The following ASCC1 variants were observed in gnomAD, a reference collection of about 807,000 sequenced individuals.
ASCC1 encodes ASC-1 complex subunit P50.
In ASCC1, 35 loss-of-function variants were observed where a neutral mutation model predicts 46.6. The observed-to-expected ratio is 0.75, with a 90% CI of 0.57 to 0.99. The LOEUF (loss-of-function observed/expected upper bound fraction) is 0.99. Ranked by LOEUF, ASCC1 falls within the 50% of genes least tolerant of loss-of-function variation. The probability of loss-of-function intolerance (pLI) is 0.00; values close to 1 mark genes in which losing one functional copy is unlikely to be tolerated. For synonymous variants in ASCC1, 143 were observed against 146.6 expected (o/e 0.98, Z 0.18); for missense variants, 376 against 428.7 (o/e 0.88, Z 1.09).
intron 9 of ASCC1, among the ~76,000 whole-genome samples, chr10:72,114,556 C>T (rs1843285090): frequency 6.9e-6 from 1 of 145,356 alleles, no homozygotes; most frequent in African/African-American, 2.6e-5. Flanking sequence ...ACCCGGGAGG[C>T]GGAGCATGCA....
intron 5 of ASCC1, among the ~76,000 whole-genome samples, chr10:72,179,282 T>C (rs1225435098): frequency 3.9e-5 from 6 of 152,162 alleles, no homozygotes; most frequent in African/African-American, 1.4e-4. Context: ...ATTACAGGTG[T>C]GAGCCACTGC....
At chr10:72,208,270 T>C (rs1182133754) in intron 3 of ASCC1, among the ~76,000 whole-genome samples, 4 of 151,884 alleles carry the variant, frequency 2.6e-5, no homozygotes, top group Admixed American at 6.6e-5. Context: ...AAGGAACTTT[T>C]ACACACCTTA....
intron 9 of ASCC1, among the ~76,000 whole-genome samples, chr10:72,126,797 C>G (rs1011382958): frequency 1.3e-5 from 2 of 152,164 alleles, no homozygotes; most frequent in African/African-American, 4.8e-5. Context: ...CTGGAAAAAA[C>G]AGTAAAGTTA....
rs1857936150 is a variant in ASCC1 at position 72,210,610 on chromosome 10, A to G, written c.212+122T>C. ...CAGTCCTTTGACATTTCAGGACATA[A>G]CACTACACTATTTTATCATTAGTAA... On this transcript the variant is annotated intron_variant, in intron 3 of 9. Transcript: ENST00000672957. The G allele has an allele frequency of 1.7e-5, 13 of 771,806 alleles. No homozygotes were observed. The Admixed American group carries it at 2.6e-4, about 16-fold the overall frequency. 47.8% of individuals were successfully genotyped at this position (771,806 alleles called of 1,614,324 possible).
At chr10:72,102,314 C>A in intron 9 of ASCC1, 1 of 1,545,392 alleles carries the variant, frequency 6.5e-7, no homozygotes. Flanking sequence ...TGTGTTTACA[C>A]ACTCACGGCT....
At chr10:72,117,743 C>T (rs936718229) in intron 9 of ASCC1, among the ~76,000 whole-genome samples, 5 of 152,142 alleles carry the variant, frequency 3.3e-5, no homozygotes, top group Admixed American at 6.5e-5. Flanking sequence ...GCTTTCAATG[C>T]TATATATAAA....
intron 1 of ASCC1, among the ~76,000 whole-genome samples, chr10:72,215,386 G>A (rs909852372): frequency 6.6e-6 from 1 of 152,200 alleles, no homozygotes; most frequent in Non-Finnish European, 1.5e-5. Context: ...GCGACAGAGC[G>A]AGACTTCGTC....
At chr10:72,207,320 A>G (rs1857363655) in intron 3 of ASCC1, among the ~76,000 whole-genome samples, 1 of 152,208 alleles carries the variant, frequency 6.6e-6, no homozygotes, top group Non-Finnish European at 1.5e-5. Flanking sequence ...AGGCCGAAGC[A>G]GGAGAATCAC....
chr10:72,128,788 T>C (rs968929517), intron 8 of ASCC1, among the ~76,000 whole-genome samples: 17 of 151,830 alleles, frequency 1.1e-4, no homozygotes, highest in African/African-American at 3.6e-4. Flanking sequence ...TCAAAAGACA[T>C]CCTTAAAGGT....
chr10:72,103,384 A>G (rs1167183529), intron 9 of ASCC1, among the ~76,000 whole-genome samples: 2 of 152,196 alleles, frequency 1.3e-5, no homozygotes, highest in South Asian at 2.1e-4. Flanking sequence ...CACCCGCCTC[A>G]GCCTCCCAAA....
At chr10:72,132,351 T>C (rs573294736) in intron 8 of ASCC1, among the ~76,000 whole-genome samples, 3 of 152,184 alleles carry the variant, frequency 2.0e-5, no homozygotes, top group South Asian at 2.1e-4. Context: ...ACTTTGGAGA[T>C]AGGGACAGGA....
chr10:72,164,718 A>G (rs763928820), intron 5 of ASCC1, among the ~76,000 whole-genome samples: 1 of 152,240 alleles, frequency 6.6e-6, no homozygotes, highest in Non-Finnish European at 1.5e-5. Flanking sequence ...ACCATTCTCT[A>G]CATTGGCTGA....
intron 3 of ASCC1, 144 bp from the exon 4 acceptor site, chr10:72,203,668 C>T (rs1266764809): frequency 1.4e-6 from 1 of 700,346 alleles, no homozygotes; most frequent in Non-Finnish European, 2.5e-6. Context: ...GAAGAAATTA[C>T]AAGTCATCTA....
intron 6 of ASCC1, among the ~76,000 whole-genome samples, chr10:72,160,884 C>T (rs924477138): frequency 2.7e-5 from 4 of 150,888 alleles, no homozygotes; most frequent in South Asian, 2.1e-4. Context: ...GAGATCAAGA[C>T]CATCCTGGCT....
chr10:72,098,193 G>T (rs1052900307), intron 9 of ASCC1, among the ~76,000 whole-genome samples: 1 of 152,230 alleles, frequency 6.6e-6, no homozygotes, highest in Non-Finnish European at 1.5e-5. Context: ...ACTGGACTTT[G>T]TGATTACCAC....
At chr10:72,177,161 T>C (rs1475003967) in intron 5 of ASCC1, among the ~76,000 whole-genome samples, 1 of 152,158 alleles carries the variant, frequency 6.6e-6, no homozygotes, top group Non-Finnish European at 1.5e-5. Context: ...AAAAACCTGT[T>C]CAAAACTAGT....
chr10:72,196,722 TA>T, intron 5 of ASCC1, 88 bp downstream of exon 5: 1 of 1,336,884 alleles, frequency 7.5e-7, no homozygotes, highest in Non-Finnish European at 1.0e-6. Context: ...AAGAAGTTTA[TA>T]ACTCCCTACT....
chr10:72,190,654 G>A (rs915078137), intron 5 of ASCC1: 2 of 729,116 alleles, frequency 2.7e-6, no homozygotes, highest in African/African-American at 3.6e-5. Flanking sequence ...TTATTTGTCT[G>A]TTAAAGCTAG....
In ASCC1 at chr10:72,161,671, G is replaced by A; in HGVS notation, c.493C>T (p.His165Tyr). ...EEVLAKCSMD[H>Y]GVDSSIFQNP... ...TGGAAAATGCTGCTGTCAACCCCATGATCCTGTTATCAAAGAGAGAAAAAC... is the reference window on the plus strand; with the variant it reads ...TGGAAAATGCTGCTGTCAACCCCATAATCCTGTTATCAAAGAGAGAAAAAC... The change falls in exon 6 of 10, where the codon CAT becomes TAT. Residue 165 changes from histidine (H) to tyrosine (Y), a missense_variant. Transcript: ENST00000672957. The A allele has an allele frequency of 1.9e-6, 3 of 1,614,078 alleles. No homozygotes were observed. Among genetic ancestry groups the A allele is most frequent in the Non-Finnish European group, 2.5e-6 (3 of 1,180,018 alleles).
Sources: gnomAD v4.1 joint callset for allele counts (sites outside exome capture counted in the v4.1 genomes callset) on GRCh38, gnomAD v4.1.1 for gene constraint, MANE v1.5 for transcripts, NCBI Gene and HGNC (gene_info 2026-07-23, HGNC 2026-07-21) for gene names.